The following PAK1 variants were observed in gnomAD, a reference collection of about 807,000 sequenced individuals.
PAK1 encodes the protein serine/threonine-protein kinase PAK 1.
PAK1 carries 29 observed loss-of-function variants against 67.4 expected under a neutral mutation model. That is an observed-to-expected ratio of 0.43 (90% CI 0.32 to 0.59). The LOEUF (loss-of-function observed/expected upper bound fraction) is 0.59, where lower values mean the gene tolerates loss of function less well. Ranked by LOEUF, PAK1 falls within the 20% of genes least tolerant of loss-of-function variation. The pLI is 0.07. For synonymous variants in PAK1, 223 were observed against 237.4 expected (o/e 0.94, Z 0.56); for missense variants, 337 against 670.7 (o/e 0.50, Z 5.50).
chr11:77,351,880 A>ATTTT (rs11389420), intron 8 of PAK1, among the ~76,000 whole-genome samples: 1 of 148,940 alleles, frequency 6.7e-6, no homozygotes, highest in African/African-American at 2.5e-5. Flanking sequence ...TAGAAATCTC[A>ATTTT]TTTTTTTTTT....
chr11:77,413,135 A>T (rs1954734936), intron 1 of PAK1, among the ~76,000 whole-genome samples: 1 of 152,192 alleles, frequency 6.6e-6, no homozygotes, highest in African/African-American at 2.4e-5. Flanking sequence ...GGTCATAATT[A>T]GGAGTTAGGC....
chr11:77,400,133 A>G (rs1384268529), intron 1 of PAK1, among the ~76,000 whole-genome samples: 2 of 152,134 alleles, frequency 1.3e-5, no homozygotes, highest in African/African-American at 4.8e-5. Flanking sequence ...GCATTAGTAT[A>G]TAGTGCTTGG....
intron 5 of PAK1, among the ~76,000 whole-genome samples, chr11:77,372,672 T>C (rs977932040): frequency 6.6e-6 from 1 of 152,208 alleles, no homozygotes; most frequent in African/African-American, 2.4e-5. Context: ...TCTGTCCTGC[T>C]TACCAATCCT....
At chr11:77,344,913 G>T (rs1186535835) in intron 9 of PAK1, among the ~76,000 whole-genome samples, 1 of 152,168 alleles carries the variant, frequency 6.6e-6, no homozygotes, top group Non-Finnish European at 1.5e-5. Flanking sequence ...CTTCACAGAG[G>T]AGAGTGTTCA....
chr11:77,410,583 A>G (rs2725810), intron 1 of PAK1, among the ~76,000 whole-genome samples: 37,207 of 151,616 alleles, frequency 0.25, 5,653 homozygotes, highest in South Asian at 0.45. Flanking sequence ...CCTAATCAAG[A>G]GGGGGAGGAT....
intron 1 of PAK1, among the ~76,000 whole-genome samples, chr11:77,443,003 T>A (rs1956424305): frequency 6.6e-6 from 1 of 152,170 alleles, no homozygotes; most frequent in African/African-American, 2.4e-5. Context: ...TGAGAATAGT[T>A]TCTAAAAGTA....
the PAK1 span, among the ~76,000 whole-genome samples, chr11:77,491,008 C>A: frequency 1.3e-5 from 2 of 152,128 alleles, no homozygotes; most frequent in African/African-American, 4.8e-5. Context: ...CCGAAGGGTC[C>A]TCTGCCTAGG....
chr11:77,342,353 A>C (rs1014033528), intron 10 of PAK1, among the ~76,000 whole-genome samples: 1 of 152,220 alleles, frequency 6.6e-6, no homozygotes, highest in African/African-American at 2.4e-5. Context: ...CAAATCTATA[A>C]GTCTCTTAAT....
At chr11:77,428,877 G>A (rs186632134) in intron 1 of PAK1, among the ~76,000 whole-genome samples, 14 of 151,374 alleles carry the variant, frequency 9.2e-5, no homozygotes, top group South Asian at 4.2e-4. Context: ...CCCTGCTATA[G>A]GGTACCAAAG....
intron 8 of PAK1, chr11:77,353,262 G>C (rs1016716674): frequency 2.9e-6 from 1 of 347,450 alleles, no homozygotes; most frequent in Non-Finnish European, 5.3e-6. Context: ...GTTGTAATTT[G>C]GGAAGTTGGT....
chr11:77,506,249 T>C, the PAK1 span, among the ~76,000 whole-genome samples: 1 of 152,176 alleles, frequency 6.6e-6, no homozygotes, highest in Non-Finnish European at 1.5e-5. Flanking sequence ...TAGACACTAT[T>C]CTCAGGGCTT....
chr11:77,361,503 G>A (rs1173498022), intron 5 of PAK1, among the ~76,000 whole-genome samples: 1 of 152,156 alleles, frequency 6.6e-6, no homozygotes, highest in Non-Finnish European at 1.5e-5. Flanking sequence ...AAACTCTGGA[G>A]TTTAGACCTA....
the PAK1 span, among the ~76,000 whole-genome samples, chr11:77,496,261 C>T: frequency 6.6e-6 from 1 of 151,986 alleles, no homozygotes; most frequent in Non-Finnish European, 1.5e-5. Flanking sequence ...TCATGATCCA[C>T]CCGCCTCAGC....
the PAK1 span, among the ~76,000 whole-genome samples, chr11:77,486,948 C>T: frequency 6.0e-4 from 91 of 152,306 alleles, 1 homozygote; most frequent in African/African-American, 2.1e-3. Context: ...GGTTATGTGA[C>T]CTAGTGAGAC....
chr11:77,428,748 G>C (rs1236856604), intron 1 of PAK1, among the ~76,000 whole-genome samples: 1 of 151,828 alleles, frequency 6.6e-6, no homozygotes, highest in Non-Finnish European at 1.5e-5. Context: ...AGGTGGACTG[G>C]TGTGGAATAT....
chr11:77,511,983 G>T, the PAK1 span, among the ~76,000 whole-genome samples: 2 of 152,116 alleles, frequency 1.3e-5, no homozygotes, highest in East Asian at 3.9e-4. Flanking sequence ...TTTGGTAGGG[G>T]GATAAGGATT....
intron 1 of PAK1, among the ~76,000 whole-genome samples, chr11:77,399,501 C>G (rs568777548): frequency 6.6e-6 from 1 of 152,214 alleles, no homozygotes; most frequent in African/African-American, 2.4e-5. Context: ...AAGTTTTACA[C>G]CAGTGCTGAA....
Position 77,419,975 on chromosome 11 carries a change from C to T in PAK1, c.-21-27434G>A, listed in dbSNP as rs536619341. ...GAAACAAGCAAAAGAAAGATGGAAA[C>T]GAAAAAAGATATTAATAAATCTATT... On this transcript the variant is annotated intron_variant, in intron 1 of 14. Transcript: ENST00000356341. Among the ~76,000 whole-genome samples, 9 of 151,796 alleles carry T rather than the reference C, an allele frequency of 5.9e-5. No homozygotes were observed. The East Asian group carries it at 1.2e-3, about 20-fold the overall frequency.
chr11:77,519,552 G>T, the PAK1 span, among the ~76,000 whole-genome samples: 1 of 152,182 alleles, frequency 6.6e-6, no homozygotes, highest in South Asian at 2.1e-4. Context: ...GTGTCAGCCG[G>T]ATCTCTCTAT....
Sources: allele counts gnomAD v4.1 joint callset (sites outside exome capture counted in the v4.1 genomes callset), GRCh38; gene constraint gnomAD v4.1.1; transcripts MANE v1.5; gene names NCBI Gene and HGNC (gene_info 2026-07-23, HGNC 2026-07-21).